The following SLC39A3 variants were observed in gnomAD, a reference collection of about 807,000 sequenced individuals.
SLC39A3 encodes the protein zinc transporter ZIP3.
SLC39A3 carries 3 observed loss-of-function variants against 5.1 expected under a neutral mutation model. The ratio of observed to expected loss-of-function variants is 0.59; its 90% CI spans 0.27 to 1.54. The LOEUF (loss-of-function observed/expected upper bound fraction) is 1.54, where lower values mean the gene tolerates loss of function less well. Among genes scored for constraint, SLC39A3 ranks in the 40% most tolerant of loss-of-function variants. The pLI, the probability that SLC39A3 is intolerant of heterozygous loss-of-function variation, is 0.12. For synonymous variants in SLC39A3, 250 were observed against 218.8 expected (o/e 1.14, Z -1.26); for missense variants, 412 against 436.4 (o/e 0.94, Z 0.50).
chr19:2,733,404 T>C lies in SLC39A3; in HGVS notation c.292A>G (p.Thr98Ala). 6.2e-7 allele frequency: 1 copy of C among 1,612,972 alleles called. No individual in the cohort carries two copies. The highest frequency in any genetic ancestry group is 8.5e-7 in the Non-Finnish European group (1 of 1,179,984). ...AGGATCAGCTGCTCCAGGAAGACGG[T>C]CATGAAGAAGCCCAGCAGGAGGATG... Reference protein sequence around the residue: ...ETILLLGFFMTVFLEQLILTF... With the variant: ...ETILLLGFFMAVFLEQLILTF... The change falls in exon 3 of 3, where the codon ACC becomes GCC. Residue 98 changes from threonine (T) to alanine (A), a missense_variant. Transcript: ENST00000269740. This position sits in a 1 kb window ranked among gnomAD's most constrained non-coding sequence, Gnocchi z 6.1.
At position 2,733,447 on chromosome 19, in the gene SLC39A3, G is replaced by A. The variant is rs199537061; in HGVS notation, c.249C>T (p.Asp83=). The A allele has an allele frequency of 4.3e-6, 7 of 1,612,870 alleles. No individual in the cohort carries two copies. In the East Asian group the frequency reaches 6.7e-5, roughly 15 times the overall value. ...GGAGGATGGTTTCGGCCAGCGGGTA[G>A]TCGGTGCTGATGTGGCCGAGGCTCA... ...KVLSLGHIST[D]YPLAETILLL... is the part of the protein sequence containing the mutation. Residue 83 remains aspartate (D), a synonymous_variant, in exon 3 of 3, where the codon GAC becomes GAT. Coordinates refer to ENST00000269740, the MANE Select transcript of SLC39A3 (RefSeq NM_144564.5). The surrounding 1 kb of genome is among the most constrained non-coding windows in gnomAD (Gnocchi z 6.1).
In SLC39A3 at chr19:2,733,209, A is replaced by C. The variant is rs748349261; in HGVS notation, c.487T>G (p.Ser163Ala). The change falls in exon 3 of 3, where the codon TCG becomes GCG. Residue 163 changes from serine to alanine, a missense_variant. Physicochemically the swap from Ser to Ala is moderately conservative, Grantham distance 99 (BLOSUM62 1). Transcript: ENST00000269740. The surrounding 1 kb of genome is among the most constrained non-coding windows in gnomAD (Gnocchi z 6.1). ...HGPSLSVQGL[S>A]RASPVRLLSL... The stretch of plus-strand genomic sequence containing the variant: ...AGCAGGCGCACGGGGCTGGCGCGCG[A>C]GAGGCCCTGCACGCTCAGGCTGGGG... 1.1e-5 allele frequency: 17 copies of C among 1,607,186 alleles called. No individual in the cohort carries two copies. The highest frequency in any genetic ancestry group is 4.0e-5 in the African/African-American group (3 of 74,728).
Position 2,732,615 on chromosome 19 carries a change from G to T in SLC39A3, c.*136C>A. On this transcript the variant is annotated 3_prime_UTR_variant, in exon 3 of 3. Coordinates refer to ENST00000269740, the MANE Select transcript of SLC39A3 (RefSeq NM_144564.5). ...AGGATCGGGGGCACAGCCTGGTCCCGGGAGGCCCCTTGTGCACAGGTGGTG... is the reference window on the plus strand; with the variant it reads ...AGGATCGGGGGCACAGCCTGGTCCCTGGAGGCCCCTTGTGCACAGGTGGTG... The T allele has an allele frequency of 7.4e-7, 1 of 1,357,352 alleles. No homozygotes were observed. The allele number at this position is 1,357,352 out of a possible 1,614,324, so 84.1% of individuals were successfully genotyped here. A position where few individuals can be genotyped will look rare whatever the true frequency, so the allele number is the denominator to read the frequency against.
rs904671916 is a variant in SLC39A3 at position 2,735,862 on chromosome 19, C to A, written c.210+1186G>T. 2.2e-5 allele frequency: 22 copies of A among 985,398 alleles called. No homozygotes were observed. The highest frequency in any genetic ancestry group is 2.7e-5 in the Non-Finnish European group (22 of 830,022). 61.0% of individuals were successfully genotyped at this position (985,398 alleles called of 1,614,324 possible). On this transcript the variant is annotated intron_variant, in intron 2 of 2. Coordinates refer to ENST00000269740, the MANE Select transcript of SLC39A3 (RefSeq NM_144564.5). This position sits in a 1 kb window ranked among gnomAD's most constrained non-coding sequence, Gnocchi z 5.7. ...CAGGCTCAGATGATTTAATCCCAGA[C>A]AACAGCCCTTCTCCTCCTTTCTGGA...
In SLC39A3 at chr19:2,736,906, A is replaced by C. The variant is rs1346236543; in HGVS notation, c.210+142T>G. On this transcript the variant is annotated intron_variant, in intron 2 of 2. Transcript: ENST00000269740. ...GACAGAAAGTAACCAGTTCACAATC[A>C]CACAGCAAATTCACTTCCTACTTTC... The C allele has an allele frequency of 2.0e-6, 3 of 1,533,134 alleles. No individual in the cohort carries two copies. In the African/African-American group the frequency reaches 4.1e-5, roughly 21 times the overall value. 95.0% of individuals were successfully genotyped at this position (1,533,134 alleles called of 1,614,324 possible).
In SLC39A3 at chr19:2,735,937, GC is replaced by G. The variant is rs1170964698; in HGVS notation, c.210+1110del. 1 of 985,324 alleles carries G rather than the reference GC, an allele frequency of 1.0e-6. No individual in the cohort carries two copies. Among genetic ancestry groups the G allele is most frequent in the Non-Finnish European group, 1.2e-6 (1 of 829,978 alleles). The allele number at this position is 985,324 out of a possible 1,614,324, so 61.0% of individuals were successfully genotyped here. A position where few individuals can be genotyped will look rare whatever the true frequency, so the allele number is the denominator to read the frequency against. ...CCAGGGGTTGGGGGATAAGCTTAGG[GC>G]TTCCATGCTTTCGTTGGGAGGAAGA... On this transcript the variant is annotated intron_variant, in intron 2 of 2. Transcript: ENST00000269740. This position sits in a 1 kb window ranked among gnomAD's most constrained non-coding sequence, Gnocchi z 5.7.
intron 1 of SLC39A3, among the ~76,000 whole-genome samples, chr19:2,739,699 C>T (rs1914488250): frequency 6.6e-6 from 1 of 152,204 alleles, no homozygotes; most frequent in South Asian, 2.1e-4. Context: ...CATCTGGATA[C>T]CTCAGTCTGT....
rs1206530153 is a variant in SLC39A3 at position 2,734,728 on chromosome 19, G to GGAT, written c.211-1244_211-1243insATC. ...CCCAGGCATCGCCCAGTGTTCCCTG[G>GGAT]GGGCAGTTCACGCTGGGTGAGCCTC... On this transcript the variant is annotated intron_variant, in intron 2 of 2. Transcript: ENST00000269740. This position sits in a 1 kb window ranked among gnomAD's most constrained non-coding sequence, Gnocchi z 4.6. 1.0e-6 allele frequency: 1 copy of GGAT among 985,198 alleles called. No homozygotes were observed. Among genetic ancestry groups the GGAT allele is most frequent in the Non-Finnish European group, 1.2e-6 (1 of 829,840 alleles). 61.0% of individuals were successfully genotyped at this position (985,198 alleles called of 1,614,324 possible).
At position 2,735,953 on chromosome 19, in the gene SLC39A3, TGGGA is replaced by T; in HGVS notation, c.210+1091_210+1094del. 3.0e-6 allele frequency: 3 copies of T among 985,414 alleles called. No individual in the cohort carries two copies. The highest frequency in any genetic ancestry group is 3.6e-6 in the Non-Finnish European group (3 of 829,950). 61.0% of individuals were successfully genotyped at this position (985,414 alleles called of 1,614,324 possible). A position where few individuals can be genotyped will look rare whatever the true frequency, so the allele number is the denominator to read the frequency against. On this transcript the variant is annotated intron_variant, in intron 2 of 2. Coordinates refer to ENST00000269740, the MANE Select transcript of SLC39A3 (RefSeq NM_144564.5). This position sits in a 1 kb window ranked among gnomAD's most constrained non-coding sequence, Gnocchi z 5.7. Reference sequence around the variant, plus strand: ...AAGCTTAGGGCTTCCATGCTTTCGTTGGGAGGAAGAACAGGGGGTCCTCATATCT... The same window carrying T: ...AAGCTTAGGGCTTCCATGCTTTCGTTGGAAGAACAGGGGGTCCTCATATCT...
chr19:2,735,071 G>A lies in SLC39A3; in HGVS notation c.211-1586C>T. 1 of 985,466 alleles carries A rather than the reference G, an allele frequency of 1.0e-6. No individual in the cohort carries two copies. The highest frequency in any genetic ancestry group is 1.2e-6 in the Non-Finnish European group (1 of 829,990). The allele number at this position is 985,466 out of a possible 1,614,324, so 61.0% of individuals were successfully genotyped here. A position where few individuals can be genotyped will look rare whatever the true frequency, so the allele number is the denominator to read the frequency against. Reference sequence around the variant, plus strand: ...GTTTGGGTGCCATGAGAAGGCCACTGTGATGAGGGGGAGGGAAGAGCAAGC... The same window carrying A: ...GTTTGGGTGCCATGAGAAGGCCACTATGATGAGGGGGAGGGAAGAGCAAGC... On this transcript the variant is annotated intron_variant, in intron 2 of 2. Transcript: ENST00000269740. The surrounding 1 kb of genome is among the most constrained non-coding windows in gnomAD (Gnocchi z 5.7).
In SLC39A3 at chr19:2,733,493, C is replaced by CG; in HGVS notation, c.211-9dup. The CG allele has an allele frequency of 6.2e-7, 1 of 1,603,118 alleles. No individual in the cohort carries two copies. Among genetic ancestry groups the CG allele is most frequent in the East Asian group, 2.2e-5 (1 of 44,710 alleles). On this transcript the variant is annotated splice_polypyrimidine_tract_variant and intron_variant, in intron 2 of 2. Transcript: ENST00000269740. This position sits in a 1 kb window ranked among gnomAD's most constrained non-coding sequence, Gnocchi z 6.1. Reference sequence around the variant, plus strand: ...GCTCAGGACCTTCTGGAGCTGCAGCCGGGGACACCCGAGAGAGAGAGAGAG... The same window carrying CG: ...GCTCAGGACCTTCTGGAGCTGCAGCCGGGGGACACCCGAGAGAGAGAGAGAG...
chr19:2,732,533 G>A lies in SLC39A3; in HGVS notation c.*218C>T. 1 of 1,430,180 alleles carries A rather than the reference G, an allele frequency of 7.0e-7. No individual in the cohort carries two copies. Among genetic ancestry groups the A allele is most frequent in the Non-Finnish European group, 9.1e-7 (1 of 1,096,942 alleles). 88.6% of individuals were successfully genotyped at this position (1,430,180 alleles called of 1,614,324 possible). On this transcript the variant is annotated 3_prime_UTR_variant, in exon 3 of 3. Coordinates refer to ENST00000269740, the MANE Select transcript of SLC39A3 (RefSeq NM_144564.5). ...GACATGGCCACACAGCTTTGGTAAAGACTTTTAAGAGAAAGAAGTATTTTA... is the reference window on the plus strand; with the variant it reads ...GACATGGCCACACAGCTTTGGTAAAAACTTTTAAGAGAAAGAAGTATTTTA...
chr19:2,734,758 G>A lies in SLC39A3; in HGVS notation c.211-1273C>T, dbSNP rs1914306304. On this transcript the variant is annotated intron_variant, in intron 2 of 2. Coordinates refer to ENST00000269740, the MANE Select transcript of SLC39A3 (RefSeq NM_144564.5). The surrounding 1 kb of genome is among the most constrained non-coding windows in gnomAD (Gnocchi z 4.6). ...AGTTCACGCTGGGTGAGCCTCTGCTGCAGCAGAAGGCTGTGTTTCCACGGA... is the reference window on the plus strand; with the variant it reads ...AGTTCACGCTGGGTGAGCCTCTGCTACAGCAGAAGGCTGTGTTTCCACGGA... 2.0e-6 allele frequency: 2 copies of A among 985,484 alleles called. No individual in the cohort carries two copies. Among genetic ancestry groups the A allele is most frequent in the Non-Finnish European group, 2.4e-6 (2 of 829,948 alleles). The allele number at this position is 985,484 out of a possible 1,614,324, so 61.0% of individuals were successfully genotyped here.
In SLC39A3 at chr19:2,737,359, G is replaced by A. The variant is rs1914404076; in HGVS notation, c.-102C>T. ...ACCGAGCCCAACCACACAGTTGGAGGCTCATGTCTCAGTCCAGCAACTGTG... is the reference window on the plus strand; with the variant it reads ...ACCGAGCCCAACCACACAGTTGGAGACTCATGTCTCAGTCCAGCAACTGTG... On this transcript the variant is annotated 5_prime_UTR_variant, in exon 2 of 3. Coordinates refer to ENST00000269740, the MANE Select transcript of SLC39A3 (RefSeq NM_144564.5). The A allele has an allele frequency of 6.7e-7, 1 of 1,487,168 alleles. No individual in the cohort carries two copies. Among genetic ancestry groups the A allele is most frequent in the Admixed American group, 2.3e-5 (1 of 44,162 alleles). 92.1% of individuals were successfully genotyped at this position (1,487,168 alleles called of 1,614,324 possible). A position where few individuals can be genotyped will look rare whatever the true frequency, so the allele number is the denominator to read the frequency against.
Position 2,737,277 on chromosome 19 carries a change from C to CTGG in SLC39A3, c.-23_-21dup, listed in dbSNP as rs897374930. ...CACCATGGTGGCGGCTTGGGCTGCT[C>CTGG]TGGTCACTGCAGGGCCAAACCATCT... On this transcript the variant is annotated 5_prime_UTR_variant, in exon 2 of 3. Coordinates refer to ENST00000269740, the MANE Select transcript of SLC39A3 (RefSeq NM_144564.5). 1 of 1,591,820 alleles carries CTGG rather than the reference C, an allele frequency of 6.3e-7. No homozygotes were observed. The highest frequency in any genetic ancestry group is 8.6e-7 in the Non-Finnish European group (1 of 1,168,812).
rs1263982588 is a variant in SLC39A3 at position 2,732,838 on chromosome 19, C to T, written c.858G>A (p.Leu286=). 1 of 1,611,938 alleles carries T rather than the reference C, an allele frequency of 6.2e-7. No homozygotes were observed. Among genetic ancestry groups the T allele is most frequent in the Non-Finnish European group, 8.5e-7 (1 of 1,179,440 alleles). Reference sequence around the variant, plus strand: ...TGAGCAGACGGTCACTCTTCTCCTCCAGCTCCTTGGCCAGGATCTCCAGGA... The same window carrying T: ...TGAGCAGACGGTCACTCTTCTCCTCTAGCTCCTTGGCCAGGATCTCCAGGA... ...ITFLEILAKE[L]EEKSDRLLKV... The change falls in exon 3 of 3, where the codon CTG becomes CTA. Residue 286 remains leucine (L), a synonymous_variant. Transcript: ENST00000269740.
At position 2,732,692 on chromosome 19, in the gene SLC39A3, C is replaced by G; in HGVS notation, c.*59G>C. ...GGGGACGCGCGGCCGGGGGACGCGG[C>G]CTGTGTCCGGCCCGGGGCTCCCGGC... is the stretch of plus-strand genomic sequence containing the variant. On this transcript the variant is annotated 3_prime_UTR_variant, in exon 3 of 3. Coordinates refer to ENST00000269740, the MANE Select transcript of SLC39A3 (RefSeq NM_144564.5). The G allele has an allele frequency of 6.7e-7, 1 of 1,484,400 alleles. No homozygotes were observed. Among genetic ancestry groups the G allele is most frequent in the Non-Finnish European group, 8.9e-7 (1 of 1,119,214 alleles). The allele number at this position is 1,484,400 out of a possible 1,614,324, so 92.0% of individuals were successfully genotyped here.
chr19:2,736,817 C>A, intron 2 of SLC39A3: 7 of 1,459,834 alleles, frequency 4.8e-6, no homozygotes, highest in Non-Finnish European at 5.4e-6. Flanking sequence ...TGACAACCGA[C>A]AAGTCCACCT....
intron 2 of SLC39A3, chr19:2,736,636 A>C (rs1228763075): frequency 2.1e-6 from 2 of 949,458 alleles, no homozygotes; most frequent in East Asian, 1.0e-4. Flanking sequence ...CAGACCCCTG[A>C]CTCACAGAAA....
Sources: gnomAD v4.1 joint callset for allele counts (sites outside exome capture counted in the v4.1 genomes callset) on GRCh38, gnomAD v4.1.1 for gene constraint, Gnocchi (gnomAD v3.1) non-coding constraint, MANE v1.5 for transcripts, NCBI Gene and HGNC (gene_info 2026-07-23, HGNC 2026-07-21) for gene names.